PCSK5: variants seen among roughly 807,000 people sequenced by gnomAD.
PCSK5 encodes the protein proprotein convertase subtilisin/kexin type 5, also known as prohormone convertase 5.
Under a neutral mutation model 233.2 loss-of-function variants are expected in PCSK5, and 129 were observed. The observed-to-expected ratio is 0.55, with a 90% CI of 0.48 to 0.64. The LOEUF (loss-of-function observed/expected upper bound fraction) is 0.64. Ranked by LOEUF, PCSK5 falls within the 30% of genes least tolerant of loss-of-function variation. The pLI is 0.00. For missense variants in PCSK5, 2,076 were observed against 2,430.1 expected (o/e 0.85, Z 3.06); for synonymous variants, 825 against 879.2 (o/e 0.94, Z 1.09).
At chr9:75,998,343 A>G (rs1827112788) in intron 3 of PCSK5, among the ~76,000 whole-genome samples, 1 of 152,112 alleles carries the variant, frequency 6.6e-6, no homozygotes, top group African/African-American at 2.4e-5. Flanking sequence ...GTGCATTTAC[A>G]CAAGCACACA....
chr9:76,302,163 G>A lies in PCSK5; in HGVS notation c.3550G>A (p.Val1184Met), dbSNP rs750332199. 1.0e-5 allele frequency: 14 copies of A among 1,351,896 alleles called. No homozygotes were observed. The highest frequency in any genetic ancestry group is 1.4e-5 in the Non-Finnish European group (14 of 1,016,596). The allele number at this position is 1,351,896 out of a possible 1,614,324, so 83.7% of individuals were successfully genotyped here. ...AGCTGTGTCCACTGCAAACCTATCT[G>A]TGGTGAAGAGCCTGCTGCAGGAGCG... Reference protein sequence around the residue: ...NEAVSTANLSVVKSLLQERRR... With the variant: ...NEAVSTANLSMVKSLLQERRR... The change falls in exon 28 of 38, where the codon GTG (valine) becomes ATG (methionine). Residue 1184 changes from valine to methionine, a missense_variant. Val to Met is a conservative substitution (Grantham distance 21, BLOSUM62 1). Transcript: ENST00000674117.
intron 3 of PCSK5, among the ~76,000 whole-genome samples, chr9:75,996,124 T>G (rs556573190): frequency 6.6e-6 from 1 of 152,244 alleles, no homozygotes; most frequent in South Asian, 2.1e-4. Context: ...AAATAAAAAT[T>G]TTCATAATTA....
chr9:76,199,402 AT>A (rs1824826652), intron 20 of PCSK5, among the ~76,000 whole-genome samples: 1 of 152,224 alleles, frequency 6.6e-6, no homozygotes, highest in Admixed American at 6.5e-5. Flanking sequence ...CCAAAACGTC[AT>A]TATATGGTAC....
intron 2 of PCSK5, among the ~76,000 whole-genome samples, chr9:75,962,128 G>A (rs919172501): frequency 6.7e-5 from 1 of 14,818 alleles, no homozygotes; most frequent in African/African-American, 3.7e-4. Context: ...CAAGTAACTG[G>A]GGGAGGGGGC....
intron 24 of PCSK5, among the ~76,000 whole-genome samples, chr9:76,259,267 C>G (rs1474692795): frequency 1.3e-5 from 2 of 152,198 alleles, no homozygotes; most frequent in Non-Finnish European, 2.9e-5. Flanking sequence ...CTGCAGGGCC[C>G]TAGTCATGAT....
chr9:76,180,999 T>C (rs1327277730), intron 15 of PCSK5, among the ~76,000 whole-genome samples: 1 of 151,406 alleles, frequency 6.6e-6, no homozygotes, highest in Non-Finnish European at 1.5e-5. Flanking sequence ...CACATGCACA[T>C]ACAGGATCCA....
At chr9:76,021,823 C>T (rs1486483772) in intron 3 of PCSK5, among the ~76,000 whole-genome samples, 3 of 152,136 alleles carry the variant, frequency 2.0e-5, no homozygotes, top group Admixed American at 6.5e-5. Flanking sequence ...GAATAAAAGC[C>T]GAGTTGTGGC....
At chr9:76,275,518 G>A (rs1311555478) in intron 24 of PCSK5, among the ~76,000 whole-genome samples, 9 of 152,148 alleles carry the variant, frequency 5.9e-5, no homozygotes, top group South Asian at 2.1e-4. Flanking sequence ...TCCGCCTCTC[G>A]GATTCAAGTG....
chr9:76,256,405 G>A (rs779977851), intron 24 of PCSK5, among the ~76,000 whole-genome samples: 4 of 152,156 alleles, frequency 2.6e-5, no homozygotes, highest in African/African-American at 4.8e-5. Context: ...AACAAACCTC[G>A]TTAAACAAAA....
At chr9:75,896,409 A>G (rs1825808106) in intron 1 of PCSK5, among the ~76,000 whole-genome samples, 1 of 152,200 alleles carries the variant, frequency 6.6e-6, no homozygotes. Context: ...AAGGTCAGCC[A>G]GAGAAACAGG....
intron 2 of PCSK5, among the ~76,000 whole-genome samples, chr9:75,965,825 T>A (rs889733126): frequency 2.6e-5 from 4 of 152,200 alleles, no homozygotes; most frequent in African/African-American, 9.6e-5. Context: ...AGTTGTTTGC[T>A]TTTTCAGTCA....
chr9:76,016,567 A>G (rs766428030), intron 3 of PCSK5, among the ~76,000 whole-genome samples: 5 of 152,208 alleles, frequency 3.3e-5, no homozygotes, highest in Non-Finnish European at 7.4e-5. Context: ...AAGTTTTAGA[A>G]GCATAAAACA....
chr9:75,898,307 C>G (rs1825892951), intron 1 of PCSK5, among the ~76,000 whole-genome samples: 1 of 152,162 alleles, frequency 6.6e-6, no homozygotes, highest in Non-Finnish European at 1.5e-5. Context: ...GATTGTGGGC[C>G]TGTCCAGCTG....
chr9:76,325,183 G>C (rs1274808250), intron 32 of PCSK5, among the ~76,000 whole-genome samples: 1 of 152,268 alleles, frequency 6.6e-6, no homozygotes, highest in Non-Finnish European at 1.5e-5. Flanking sequence ...GTGGAGCTGG[G>C]AATGGCTTCT....
At chr9:76,096,522 A>G (rs1438497086) in intron 8 of PCSK5, among the ~76,000 whole-genome samples, 1 of 152,096 alleles carries the variant, frequency 6.6e-6, no homozygotes, top group African/African-American at 2.4e-5. Flanking sequence ...GTGAAAAACA[A>G]AAGTGTATAA....
chr9:75,963,865 C>T (rs187199540), intron 2 of PCSK5, among the ~76,000 whole-genome samples: 2 of 152,094 alleles, frequency 1.3e-5, no homozygotes, highest in East Asian at 1.9e-4. Flanking sequence ...GGTGACAGAG[C>T]GAGACTTCGT....
intron 2 of PCSK5, among the ~76,000 whole-genome samples, chr9:75,974,904 A>G (rs1484071434): frequency 7.9e-5 from 12 of 152,212 alleles, no homozygotes; most frequent in Admixed American, 7.9e-4. Context: ...TTGCATATTT[A>G]TCTTGTAACA....
chr9:76,338,588 C>T (rs991294420), intron 35 of PCSK5, 141 bp downstream of exon 35: 4 of 631,968 alleles, frequency 6.3e-6, no homozygotes, highest in Admixed American at 5.2e-5. Flanking sequence ...CCAGCATCAG[C>T]GCCCTCTGTT....
chr9:76,055,137 A>G (rs1286261782), intron 5 of PCSK5, among the ~76,000 whole-genome samples: 3 of 152,178 alleles, frequency 2.0e-5, no homozygotes, highest in African/African-American at 7.2e-5. Flanking sequence ...TAGAAAAACC[A>G]TCATAATTAA....
Sources: allele counts gnomAD v4.1 joint callset (sites outside exome capture counted in the v4.1 genomes callset), GRCh38; gene constraint gnomAD v4.1.1; transcripts MANE v1.5; gene names NCBI Gene and HGNC (gene_info 2026-07-23, HGNC 2026-07-21).